The following TMEM229B variants were observed in gnomAD, a reference collection of about 807,000 sequenced individuals.
TMEM229B encodes the protein transmembrane protein 229B, also known as chromosome 14 open reading frame 83.
TMEM229B carries 6 observed loss-of-function variants against 13.7 expected under a neutral mutation model. The ratio of observed to expected loss-of-function variants is 0.44; its 90% CI spans 0.24 to 0.86. The LOEUF is 0.86. TMEM229B is among the 40% of genes least tolerant of loss of function. The pLI is 0.23. For synonymous variants in TMEM229B, 107 were observed against 102.1 expected, an observed-to-expected ratio of 1.05 and a Z score of -0.29; for missense variants, 170 against 236.0, an observed-to-expected ratio of 0.72 and a Z score of 1.83.
At chr14:67,524,710 C>A (rs556235361) in intron 1 of TMEM229B, among the ~76,000 whole-genome samples, 1 of 152,150 alleles carries the variant, frequency 6.6e-6, no homozygotes, top group Non-Finnish European at 1.5e-5. Context: ...CTTGGACAAC[C>A]GCCAAACCAC....
intron 1 of TMEM229B, among the ~76,000 whole-genome samples, chr14:67,524,840 G>C (rs531633409): frequency 6.6e-6 from 1 of 152,290 alleles, no homozygotes; most frequent in African/African-American, 2.4e-5. Flanking sequence ...GATCTGAACA[G>C]TGATCCCCAA....
At chr14:67,476,724 G>A (rs897476911) in intron 2 of TMEM229B, among the ~76,000 whole-genome samples, 3 of 152,208 alleles carry the variant, frequency 2.0e-5, no homozygotes, top group African/African-American at 7.2e-5. Context: ...AAATGGAAGA[G>A]CTGAGATTAG....
At position 67,473,603 on chromosome 14, in the gene TMEM229B, C is replaced by A. The variant is rs373373166; in HGVS notation, c.321G>T (p.Gln107His). The A allele has an allele frequency of 1.2e-6, 2 of 1,602,772 alleles. No individual in the cohort carries two copies. Among genetic ancestry groups the A allele is most frequent in the South Asian group, 2.2e-5 (2 of 89,598 alleles). ...QFNACPWDYS[Q>H]FDFDFMGLIT... ...TGAGGCCCATGAAGTCAAAGTCGAACTGGGAGTAGTCCCAGGGGCAGGCGT... is the reference window on the plus strand; with the variant it reads ...TGAGGCCCATGAAGTCAAAGTCGAAATGGGAGTAGTCCCAGGGGCAGGCGT... The change falls in exon 3 of 3, where the codon CAG (glutamine) becomes CAT (histidine). Residue 107 changes from glutamine (Q) to histidine (H), a missense_variant. Transcript: ENST00000554480. The surrounding 1 kb of genome is among the most constrained non-coding windows in gnomAD (Gnocchi z 6.5).
At chr14:67,497,256 A>G (rs2032428125) in intron 1 of TMEM229B, among the ~76,000 whole-genome samples, 2 of 152,104 alleles carry the variant, frequency 1.3e-5, no homozygotes, top group Admixed American at 6.6e-5. Context: ...ATCCGTCCCG[A>G]GGTTAGGCCA....
At chr14:67,517,872 G>A (rs2033231632), upstream of TMEM229B, among the ~76,000 whole-genome samples, 1 of 152,162 alleles carries the variant, frequency 6.6e-6, no homozygotes, top group African/African-American at 2.4e-5. Context: ...CAGGTCTTCT[G>A]GTACCCCTTG....
chr14:67,504,600 C>T (rs1238002535), intron 1 of TMEM229B, among the ~76,000 whole-genome samples: 1 of 151,832 alleles, frequency 6.6e-6, no homozygotes, highest in Non-Finnish European at 1.5e-5. Context: ...AAATAAAAAA[C>T]AATAGGCCAT....
chr14:67,499,380 T>G (rs1278555100), intron 1 of TMEM229B, among the ~76,000 whole-genome samples: 1 of 152,186 alleles, frequency 6.6e-6, no homozygotes, highest in African/African-American at 2.4e-5. Flanking sequence ...CTATTCAGTT[T>G]GGCACCTTTG....
rs930753364 is a variant in TMEM229B, at chr14:67,488,602, C to T, written c.-286G>A. The T allele has an allele frequency of 1.3e-5, 2 of 152,366 alleles. No individual in the cohort carries two copies. Among genetic ancestry groups the T allele is most frequent in the African/African-American group, 4.8e-5 (2 of 41,474 alleles). The allele number at this position is 152,366 out of a possible 1,614,324, so 9.4% of individuals were successfully genotyped here. On this transcript the variant is annotated 5_prime_UTR_variant, in exon 1 of 3. Transcript: ENST00000554480. ...GGTTTTAACGGAGCATGTCCGAACC[C>T]TCTGGGACTCTCTCTCCACCAGCAC...
intron 1 of TMEM229B, among the ~76,000 whole-genome samples, chr14:67,495,253 C>T (rs563589028): frequency 6.6e-6 from 1 of 152,162 alleles, no homozygotes; most frequent in South Asian, 2.1e-4. Context: ...GAAACATTTC[C>T]TCTTCCAATT....
At chr14:67,493,825 T>C (rs142747690) in intron 1 of TMEM229B, among the ~76,000 whole-genome samples, 1 of 152,202 alleles carries the variant, frequency 6.6e-6, no homozygotes, top group African/African-American at 2.4e-5. Flanking sequence ...TATAAGGATG[T>C]CAGTCTGAAA....
At chr14:67,476,547 A>G (rs1422404441) in intron 2 of TMEM229B, among the ~76,000 whole-genome samples, 1 of 152,124 alleles carries the variant, frequency 6.6e-6, no homozygotes, top group Non-Finnish European at 1.5e-5. Flanking sequence ...AGATCATGCC[A>G]CTGCACTCCA....
At chr14:67,511,297 T>C (rs967776650) in intron 1 of TMEM229B, among the ~76,000 whole-genome samples, 2 of 152,248 alleles carry the variant, frequency 1.3e-5, no homozygotes, top group East Asian at 1.9e-4. Flanking sequence ...CCCTCATCTT[T>C]TCATATTTAT....
chr14:67,512,726 T>A (rs1307907688), intron 1 of TMEM229B, among the ~76,000 whole-genome samples: 2 of 151,972 alleles, frequency 1.3e-5, no homozygotes, highest in Admixed American at 1.3e-4. Flanking sequence ...TCGGAGACCC[T>A]CCTCAGAAAC....
At chr14:67,500,391 T>C (rs1048180513) in intron 1 of TMEM229B, among the ~76,000 whole-genome samples, 2 of 151,768 alleles carry the variant, frequency 1.3e-5, no homozygotes, top group African/African-American at 4.8e-5. Flanking sequence ...GGAGAATCTC[T>C]TGAACCCGAG....
Position 67,505,710 on chromosome 14 carries a change from C to CT in TMEM229B, c.-192+9375dup, listed in dbSNP as rs535005334. Among the ~76,000 whole-genome samples the CT allele has an allele frequency of 5.9e-3, 837 of 141,348 alleles. 7 individuals are homozygous for CT. Among genetic ancestry groups the CT allele is most frequent in the African/African-American group, 0.016 (618 of 38,746 alleles). 92.7% of individuals were successfully genotyped at this position (141,348 alleles called of 152,430 possible). A position where few individuals can be genotyped will look rare whatever the true frequency, so the allele number is the denominator to read the frequency against. On this transcript the variant is annotated intron_variant, in intron 1 of 2. Coordinates refer to the TMEM229B transcript ENST00000357461. ...GATCTAGAATAGAGGATAATTTGCT[C>CT]TTTTTTTTTTTTTTTAAACAGATTC...
At chr14:67,476,696 C>T (rs1436336507) in intron 2 of TMEM229B, among the ~76,000 whole-genome samples, 2 of 152,146 alleles carry the variant, frequency 1.3e-5, no homozygotes, top group African/African-American at 4.8e-5. Context: ...ATTATTTACC[C>T]CATATCCCAG....
intron 2 of TMEM229B, among the ~76,000 whole-genome samples, chr14:67,485,925 C>T (rs944031364): frequency 2.2e-4 from 33 of 152,212 alleles, no homozygotes; most frequent in Admixed American, 6.5e-5. Flanking sequence ...GCTCACAAAT[C>T]CCCCCACCTC....
At chr14:67,515,454 G>A (rs185736431), upstream of TMEM229B, 811 of 171,898 alleles carry the variant, frequency 4.7e-3, 4 homozygotes, top group Non-Finnish European at 7.7e-3. Flanking sequence ...CCCATAGTAC[G>A]GATGCGCTGC....
At chr14:67,529,112 A>G (rs2033409447) in intron 1 of TMEM229B, among the ~76,000 whole-genome samples, 1 of 152,094 alleles carries the variant, frequency 6.6e-6, no homozygotes, top group Non-Finnish European at 1.5e-5. Flanking sequence ...GATTCCAATA[A>G]TATGCCAGGC....
Sources: gnomAD v4.1 joint callset for allele counts (sites outside exome capture counted in the v4.1 genomes callset) on GRCh38, gnomAD v4.1.1 for gene constraint, Gnocchi (gnomAD v3.1) non-coding constraint, MANE v1.5 for transcripts, NCBI Gene and HGNC (gene_info 2026-07-23, HGNC 2026-07-21) for gene names.